The following ZDHHC21 variants were observed in gnomAD, a reference collection of about 807,000 sequenced individuals.
ZDHHC21 encodes zDHHC palmitoyltransferase 21, also known as palmitoyltransferase ZDHHC21.
Under a neutral mutation model 34.6 loss-of-function variants are expected in ZDHHC21, and 15 were observed. The observed-to-expected ratio is 0.43, with a 90% confidence interval of 0.29 to 0.67. The LOEUF (loss-of-function observed/expected upper bound fraction) is 0.67. ZDHHC21 is among the 30% of genes least tolerant of loss of function. The pLI is 0.14. For synonymous variants in ZDHHC21, 142 were observed against 101.8 expected, an observed-to-expected ratio of 1.40 and a Z score of -2.38; for missense variants, 344 against 327.7, an observed-to-expected ratio of 1.05 and a Z score of -0.38.
the ZDHHC21 span, among the ~76,000 whole-genome samples, chr9:14,598,330 A>C: frequency 3.9e-5 from 6 of 152,198 alleles, no homozygotes; most frequent in East Asian, 1.2e-3. Flanking sequence ...GTGAACTGAC[A>C]GACACTACTG....
chr9:14,608,635 TA>T (rs1218421088), downstream of ZDHHC21, among the ~76,000 whole-genome samples: 3 of 152,208 alleles, frequency 2.0e-5, no homozygotes, highest in East Asian at 3.9e-4. Flanking sequence ...CTGATACAAA[TA>T]TTTTTTTAAG....
chr9:14,646,477 G>C (rs1187296356), intron 7 of ZDHHC21, among the ~76,000 whole-genome samples: 2 of 151,978 alleles, frequency 1.3e-5, no homozygotes, highest in African/African-American at 2.4e-5. Flanking sequence ...AAAAAACAGA[G>C]ACAAAAATTT....
chr9:14,677,539 T>G lies in ZDHHC21; in HGVS notation c.-46+2494A>C, dbSNP rs557061291. 4 of 152,110 alleles carry G rather than the reference T, an allele frequency of 2.6e-5. No individual in the cohort carries two copies. The East Asian group carries it at 7.7e-4, about 29-fold the overall frequency. 9.4% of individuals were successfully genotyped at this position (152,110 alleles called of 1,614,324 possible). A position where few individuals can be genotyped will look rare whatever the true frequency, so the allele number is the denominator to read the frequency against. ...TGTTACTCGGTCTTAAGGACAGCATTCATAAAATACTTTCATTAGCTGGAG... is the reference window on the plus strand; with the variant it reads ...TGTTACTCGGTCTTAAGGACAGCATGCATAAAATACTTTCATTAGCTGGAG... On this transcript the variant is annotated intron_variant, in intron 3 of 9. Transcript: ENST00000380916.
intron 7 of ZDHHC21, among the ~76,000 whole-genome samples, chr9:14,648,967 T>C (rs1393057886): frequency 6.6e-6 from 1 of 151,970 alleles, no homozygotes; most frequent in Admixed American, 6.6e-5. Context: ...ATCTTCCTCC[T>C]ACTGAACAGT....
chr9:14,662,547 G>A (rs1229976778), intron 5 of ZDHHC21, among the ~76,000 whole-genome samples: 1 of 152,096 alleles, frequency 6.6e-6, no homozygotes, highest in Non-Finnish European at 1.5e-5. Context: ...AAAAAAATAA[G>A]ACACTATTGT....
the ZDHHC21 span, among the ~76,000 whole-genome samples, chr9:14,593,337 A>G: frequency 6.6e-6 from 1 of 152,242 alleles, no homozygotes; most frequent in African/African-American, 2.4e-5. Flanking sequence ...ACAAAAATTG[A>G]AAGGATTTTA....
At chr9:14,636,430 G>A (rs965209053) in intron 8 of ZDHHC21, among the ~76,000 whole-genome samples, 2 of 152,114 alleles carry the variant, frequency 1.3e-5, no homozygotes, top group African/African-American at 4.8e-5. Context: ...TAGATTTAAA[G>A]GGAAAGATAG....
At chr9:14,664,244 T>G (rs1259602948) in intron 5 of ZDHHC21, among the ~76,000 whole-genome samples, 12 of 151,730 alleles carry the variant, frequency 7.9e-5, no homozygotes, top group Non-Finnish European at 1.8e-4. Flanking sequence ...AAGAAAGGGG[T>G]GACGGACGCA....
chr9:14,638,162 G>A (rs1310132789), intron 8 of ZDHHC21, among the ~76,000 whole-genome samples: 1 of 152,042 alleles, frequency 6.6e-6, no homozygotes, highest in Non-Finnish European at 1.5e-5. Context: ...CATAGTATCT[G>A]TATAAAAGCA....
At chr9:14,673,257 T>C (rs1287928585) in intron 4 of ZDHHC21, among the ~76,000 whole-genome samples, 5 of 152,032 alleles carry the variant, frequency 3.3e-5, no homozygotes, top group Non-Finnish European at 7.4e-5. Flanking sequence ...TACTGCATGT[T>C]CTATATTTGA....
intron 4 of ZDHHC21, among the ~76,000 whole-genome samples, chr9:14,673,303 A>G (rs1835806591): frequency 6.6e-6 from 1 of 151,980 alleles, no homozygotes; most frequent in African/African-American, 2.4e-5. Flanking sequence ...CTACAACTAA[A>G]CTTTTTCATT....
At chr9:14,652,109 A>AT (rs1267280333) in intron 7 of ZDHHC21, among the ~76,000 whole-genome samples, 1 of 151,962 alleles carries the variant, frequency 6.6e-6, no homozygotes, top group African/African-American at 2.4e-5. Flanking sequence ...ATCTTTATTG[A>AT]TTTAGTGATT....
intron 7 of ZDHHC21, among the ~76,000 whole-genome samples, chr9:14,649,646 A>C (rs117171237): frequency 2.6e-4 from 39 of 152,198 alleles, no homozygotes; most frequent in Non-Finnish European, 4.9e-4. Flanking sequence ...ATAATTATTT[A>C]TACCTCCCTA....
intron 8 of ZDHHC21, among the ~76,000 whole-genome samples, chr9:14,629,170 G>C (rs1227782754): frequency 1.3e-5 from 2 of 152,140 alleles, no homozygotes; most frequent in Non-Finnish European, 2.9e-5. Context: ...AATTGCTATA[G>C]ATACCAGCAG....
chr9:14,591,515 T>A, the ZDHHC21 span, among the ~76,000 whole-genome samples: 2 of 152,142 alleles, frequency 1.3e-5, no homozygotes, highest in East Asian at 3.8e-4. Flanking sequence ...TCGCAGGTAT[T>A]TTGTGATAGC....
chr9:14,589,381 G>C, the ZDHHC21 span: 1 of 152,108 alleles, frequency 6.6e-6, no homozygotes, highest in Non-Finnish European at 1.5e-5. Context: ...AAATAAATGA[G>C]GTGACTCCTG....
intron 8 of ZDHHC21, among the ~76,000 whole-genome samples, chr9:14,635,355 G>T (rs1487520031): frequency 6.6e-6 from 1 of 152,066 alleles, no homozygotes; most frequent in Non-Finnish European, 1.5e-5. Flanking sequence ...CAGATACAAT[G>T]CAAAAAGGTC....
chr9:14,656,192 A>T (rs777605158), intron 7 of ZDHHC21, among the ~76,000 whole-genome samples: 1 of 151,940 alleles, frequency 6.6e-6, no homozygotes, highest in Admixed American at 6.5e-5. Flanking sequence ...ACTACTGAAC[A>T]TTCATTTGCT....
At position 14,615,949 on chromosome 9, in the gene ZDHHC21, T is replaced by A. The variant is rs1379676871; in HGVS notation, c.*3017A>T. The A allele has an allele frequency of 6.6e-6, 1 of 151,646 alleles. No homozygotes were observed. The highest frequency in any genetic ancestry group is 1.5e-5 in the Non-Finnish European group (1 of 67,718). 9.4% of individuals were successfully genotyped at this position (151,646 alleles called of 1,614,324 possible). ...AATTATTTTCTAATGCCCAACACCT[T>A]TAGTTGTTTTCAGTTATCCAGAATA... On this transcript the variant is annotated 3_prime_UTR_variant, in exon 10 of 10. Transcript: ENST00000380916.
Sources: gnomAD v4.1 joint callset for allele counts (sites outside exome capture counted in the v4.1 genomes callset) on GRCh38, gnomAD v4.1.1 for gene constraint, MANE v1.5 for transcripts, NCBI Gene and HGNC (gene_info 2026-07-23, HGNC 2026-07-21) for gene names.